ATP8B4: variants seen among roughly 807,000 people sequenced by gnomAD.
The protein encoded by ATP8B4 is ATPase phospholipid transporting 8B4 (putative), also known as probable phospholipid-transporting ATPase IM.
In ATP8B4, 133 loss-of-function variants were observed where a neutral mutation model predicts 145.6. The observed-to-expected ratio is 0.91, with a 90% CI of 0.79 to 1.05. ATP8B4 has a LOEUF of 1.05. Among genes scored for constraint, ATP8B4 ranks in the 50% least tolerant of loss-of-function variants. The pLI is 0.00. For synonymous variants in ATP8B4, 507 were observed against 492.9 expected, an observed-to-expected ratio of 1.03 and a Z score of -0.38; for missense variants, 1,458 against 1,425.2, an observed-to-expected ratio of 1.02 and a Z score of -0.37.
At chr15:49,947,652 CCA>C (rs1455106283) in intron 14 of ATP8B4, among the ~76,000 whole-genome samples, 1 of 151,816 alleles carries the variant, frequency 6.6e-6, no homozygotes, top group African/African-American at 2.4e-5. Flanking sequence ...ACAAATGACC[CCA>C]GATAGCCAAA....
At chr15:50,142,186 C>T (rs1451893471) in intron 1 of ATP8B4, among the ~76,000 whole-genome samples, 2 of 152,156 alleles carry the variant, frequency 1.3e-5, no homozygotes, top group Non-Finnish European at 2.9e-5. Flanking sequence ...CGAACAGGAG[C>T]CATGGGGCAG....
At position 50,168,464 on chromosome 15, in the gene ATP8B4, A is replaced by T. The variant is rs116125717; in HGVS notation, c.-43+13797T>A. 6.3e-3 allele frequency among the ~76,000 whole-genome samples: 958 copies of T among 152,278 alleles called. 12 individuals carry two copies. Among genetic ancestry groups the T allele is most frequent in the African/African-American group, 0.022 (917 of 41,548 alleles). Reference sequence around the variant, plus strand: ...GGAAGAGGTTTCCGAGGTTACTTGAAGCTGAGTCAATTTGGAGAGCCGAGT... The same window carrying T: ...GGAAGAGGTTTCCGAGGTTACTTGATGCTGAGTCAATTTGGAGAGCCGAGT... On this transcript the variant is annotated intron_variant, in intron 1 of 3. Coordinates refer to the ATP8B4 transcript ENST00000558829.
At chr15:49,940,628 T>G (rs1368644966) in intron 14 of ATP8B4, among the ~76,000 whole-genome samples, 1 of 152,064 alleles carries the variant, frequency 6.6e-6, no homozygotes, top group Non-Finnish European at 1.5e-5. Flanking sequence ...TTGGAAAGAC[T>G]CTAAGGAGTA....
chr15:49,897,928 A>G (rs2037589145), intron 22 of ATP8B4, 140 bp downstream of exon 22: 2 of 933,122 alleles, frequency 2.1e-6, no homozygotes, highest in Admixed American at 2.7e-5. Flanking sequence ...TGGTGGTAGC[A>G]TTGGACCCAG....
intron 15 of ATP8B4, among the ~76,000 whole-genome samples, chr15:49,932,377 AT>A (rs1414583303): frequency 4.6e-5 from 7 of 151,970 alleles, no homozygotes; most frequent in Admixed American, 1.3e-4. Context: ...ATCTTTATAA[AT>A]TTTTGTATTG....
chr15:49,882,712 T>TA (rs1422043968), intron 23 of ATP8B4, among the ~76,000 whole-genome samples: 1 of 152,134 alleles, frequency 6.6e-6, no homozygotes, highest in Non-Finnish European at 1.5e-5. Context: ...AATCATATGG[T>TA]AAAGTTATAA....
intron 14 of ATP8B4, among the ~76,000 whole-genome samples, chr15:49,956,197 G>A (rs1174233518): frequency 6.6e-6 from 1 of 152,082 alleles, no homozygotes; most frequent in African/African-American, 2.4e-5. Context: ...TGGGAAATAA[G>A]TTTGACAGAT....
chr15:50,072,097 A>T (rs756957198), intron 3 of ATP8B4, among the ~76,000 whole-genome samples: 1 of 151,986 alleles, frequency 6.6e-6, no homozygotes, highest in Non-Finnish European at 1.5e-5. Context: ...AGCCCAATGC[A>T]TTCATCTCCA....
chr15:50,154,902 G>C (rs972598167), intron 1 of ATP8B4, among the ~76,000 whole-genome samples: 1 of 151,822 alleles, frequency 6.6e-6, no homozygotes, highest in African/African-American at 2.4e-5. Flanking sequence ...ACAGCAATTT[G>C]TTTAAGTTTT....
intron 14 of ATP8B4, among the ~76,000 whole-genome samples, chr15:49,947,082 G>C (rs916832693): frequency 6.6e-6 from 1 of 152,152 alleles, no homozygotes; most frequent in Non-Finnish European, 1.5e-5. Context: ...CTGCTCTGGC[G>C]CTGGAGCCCC....
At chr15:50,040,366 G>C (rs1012687033) in intron 5 of ATP8B4, among the ~76,000 whole-genome samples, 1 of 152,164 alleles carries the variant, frequency 6.6e-6, no homozygotes, top group Non-Finnish European at 1.5e-5. Flanking sequence ...AGGTCTAGTA[G>C]TATTGCCAAC....
intron 2 of ATP8B4, among the ~76,000 whole-genome samples, chr15:50,081,665 A>G (rs535489997): frequency 5.7e-4 from 87 of 152,360 alleles, no homozygotes; most frequent in Non-Finnish European, 1.1e-3. Context: ...CTTAGTATTT[A>G]AGATTAGGTA....
Position 49,862,272 on chromosome 15 carries a change from C to T in ATP8B4, c.3270G>A (p.Val1090=), listed in dbSNP as rs780088773. The change falls in exon 27 of 28, where the codon GTG becomes GTA. Residue 1090 remains valine (V), a synonymous_variant. Coordinates refer to ENST00000284509, the MANE Select transcript of ATP8B4 (RefSeq NM_024837.4). ...GATCACTCAGGGTTGGGTATAAATC[C>T]ACCTTCAAAAATCTGAATGCCACCA... ...MPVVAFRFLK[V]DLYPTLSDQI... The T allele has an allele frequency of 1.6e-5, 26 of 1,613,510 alleles. 1 individual carries two copies. Among genetic ancestry groups the T allele is most frequent in the South Asian group, 9.9e-5 (9 of 91,052 alleles).
chr15:50,069,949 T>G (rs2053620226), intron 3 of ATP8B4, among the ~76,000 whole-genome samples: 1 of 152,204 alleles, frequency 6.6e-6, no homozygotes, highest in Non-Finnish European at 1.5e-5. Flanking sequence ...TATGAGCTAT[T>G]ATCTGTGTGA....
intron 2 of ATP8B4, among the ~76,000 whole-genome samples, chr15:50,077,181 A>C (rs2054234370): frequency 6.6e-6 from 1 of 152,238 alleles, no homozygotes; most frequent in Non-Finnish European, 1.5e-5. Context: ...AGTTCCAAAA[A>C]GGAGTAAGGC....
intron 2 of ATP8B4, among the ~76,000 whole-genome samples, chr15:50,095,441 T>C (rs1156460278): frequency 1.3e-5 from 2 of 152,156 alleles, no homozygotes; most frequent in Admixed American, 6.5e-5. Flanking sequence ...TCTGTTAACA[T>C]ACGGTTGAAT....
chr15:50,004,270 T>C (rs1426737615), intron 7 of ATP8B4, among the ~76,000 whole-genome samples: 1 of 152,104 alleles, frequency 6.6e-6, no homozygotes. Flanking sequence ...GGATAAGCGG[T>C]CAATGCGCTC....
At chr15:49,930,459 T>G (rs2041148298) in intron 16 of ATP8B4, among the ~76,000 whole-genome samples, 1 of 151,874 alleles carries the variant, frequency 6.6e-6, no homozygotes, top group Non-Finnish European at 1.5e-5. Context: ...GCACTAAGAG[T>G]TAGCATTGAG....
chr15:50,037,929 C>G (rs1445679846), intron 6 of ATP8B4, among the ~76,000 whole-genome samples: 1 of 152,174 alleles, frequency 6.6e-6, no homozygotes, highest in East Asian at 1.9e-4. Flanking sequence ...TACCTAGCCC[C>G]TCTTGATATC....
Sources: gnomAD v4.1 joint callset for allele counts (sites outside exome capture counted in the v4.1 genomes callset) on GRCh38, gnomAD v4.1.1 for gene constraint, MANE v1.5 for transcripts, NCBI Gene and HGNC (gene_info 2026-07-23, HGNC 2026-07-21) for gene names.